The following MAPKAPK2 variants were observed in gnomAD, a reference collection of about 807,000 sequenced individuals.
The protein encoded by MAPKAPK2 is MAPK activated protein kinase 2.
Under a neutral mutation model 48.8 loss-of-function variants are expected in MAPKAPK2, and 9 were observed. The observed-to-expected ratio is 0.18, with a 90% confidence interval of 0.11 to 0.32. MAPKAPK2 has a LOEUF of 0.32. MAPKAPK2 is among the 10% of genes least tolerant of loss of function. MAPKAPK2 has a pLI of 1.00. For synonymous variants in MAPKAPK2, 202 were observed against 190.6 expected (o/e 1.06, Z -0.49); for missense variants, 331 against 498.3 (o/e 0.66, Z 3.20).
At chr1:206,729,309 A>G in intron 3 of MAPKAPK2, 87 bp from the exon 4 acceptor site, 1 of 1,206,396 alleles carries the variant, frequency 8.3e-7, no homozygotes, top group South Asian at 1.2e-5. Context: ...GGCTGCACAG[A>G]GGTGGGACCC....
At position 206,723,943 on chromosome 1, in the gene MAPKAPK2, G is replaced by A. The variant is rs532225632; in HGVS notation, c.280-4767G>A. On this transcript the variant is annotated intron_variant, in intron 1 of 9. Coordinates refer to ENST00000367103, the MANE Select transcript of MAPKAPK2 (RefSeq NM_032960.4). ...CCTGTGGCGTTGCAGCTGAGCACAC[G>A]CAATCATTAACCTTTTCTACGTGTA... 1.3e-3 allele frequency among the ~76,000 whole-genome samples: 204 copies of A among 152,366 alleles called. 1 individual carries two copies. Among genetic ancestry groups the A allele is most frequent in the African/African-American group, 4.6e-3 (191 of 41,584 alleles).
At chr1:206,730,228 G>T (rs1321777456) in intron 5 of MAPKAPK2, 130 bp downstream of exon 5, 2 of 1,089,418 alleles carry the variant, frequency 1.8e-6, no homozygotes, top group South Asian at 1.5e-5. Context: ...TGCTGGTTCT[G>T]CTGGGACCTG....
intron 1 of MAPKAPK2, among the ~76,000 whole-genome samples, chr1:206,711,607 C>CTTTTTTTTTTT (rs781793889): frequency 1.2e-3 from 136 of 115,484 alleles, no homozygotes; most frequent in Non-Finnish European, 1.6e-3. Context: ...CTACCTCATT[C>CTTTTTTTTTTT]TTTTTTTTTT....
At position 206,729,119 on chromosome 1, in the gene MAPKAPK2, G is replaced by A. The variant is rs782266018; in HGVS notation, c.484+20G>A. ...AAAGAGGTAGAAAGGGTCTGTTGTGGGAGCACGTGCAGGCAGGCAGGGCAG... is the reference window on the plus strand; with the variant it reads ...AAAGAGGTAGAAAGGGTCTGTTGTGAGAGCACGTGCAGGCAGGCAGGGCAG... On this transcript the variant is annotated intron_variant, in intron 3 of 9. Transcript: ENST00000367103. The A allele has an allele frequency of 9.3e-6, 15 of 1,613,510 alleles. 1 individual carries two copies. In the Admixed American group the frequency reaches 2.2e-4, roughly 23 times the overall value.
Position 206,685,292 on chromosome 1 carries a change from GCA to G in MAPKAPK2, c.64_65del (p.Gln22AlafsTer40). 1 of 214,346 alleles carries G rather than the reference GCA, an allele frequency of 4.7e-6. No homozygotes were observed. The highest frequency in any genetic ancestry group is 9.2e-6 in the Non-Finnish European group (1 of 108,926). The allele number at this position is 214,346 out of a possible 1,614,324, so 13.3% of individuals were successfully genotyped here. Reference sequence around the variant, plus strand: ...CGTTCCCCGCCCCGGCCCCGCCGCCGCAGCCCCCCACCCCTGCCCTGCCGCAC... The same window carrying G: ...CGTTCCCCGCCCCGGCCCCGCCGCCGGCCCCCCACCCCTGCCCTGCCGCAC... ...VPFPAPAPPPQPPTPALPHPP... is the reference protein window; with the variant it reads ...VPFPAPAPPPXPPTPALPHPP... On this transcript the variant is annotated frameshift_variant, in exon 1 of 10. Coordinates refer to ENST00000367103, the MANE Select transcript of MAPKAPK2 (RefSeq NM_032960.4). LOFTEE classifies it high-confidence loss of function.
In MAPKAPK2 at chr1:206,734,066, C is replaced by G. The variant is rs1379496857; in HGVS notation, c.*1348C>G. The G allele has an allele frequency of 2.0e-5, 3 of 152,696 alleles. No homozygotes were observed. Among genetic ancestry groups the G allele is most frequent in the Non-Finnish European group, 2.9e-5 (2 of 68,082 alleles). 9.5% of individuals were successfully genotyped at this position (152,696 alleles called of 1,614,324 possible). A position where few individuals can be genotyped will look rare whatever the true frequency, so the allele number is the denominator to read the frequency against. Reference sequence around the variant, plus strand: ...GTCTGTGCCATGGCCCCCCACTCCCCCTTCCCTTGGAGGGAGAGGTGGCAG... The same window carrying G: ...GTCTGTGCCATGGCCCCCCACTCCCGCTTCCCTTGGAGGGAGAGGTGGCAG... On this transcript the variant is annotated 3_prime_UTR_variant, in exon 10 of 10. Transcript: ENST00000367103.
Position 206,732,287 on chromosome 1 carries a change from G to C in MAPKAPK2, c.1060-288G>C. On this transcript the variant is annotated intron_variant, in intron 9 of 9. Coordinates refer to ENST00000367103, the MANE Select transcript of MAPKAPK2 (RefSeq NM_032960.4). This position sits in a 1 kb window ranked among gnomAD's most constrained non-coding sequence, Gnocchi z 4.4. ...GACTGGTTGGGGCAGACCGGACCCA[G>C]GTTTCCTGACTCCTGGCCCAAGTCT... 6.9e-7 allele frequency: 1 copy of C among 1,449,216 alleles called. No homozygotes were observed. Among genetic ancestry groups the C allele is most frequent in the Non-Finnish European group, 9.1e-7 (1 of 1,104,152 alleles). 89.8% of individuals were successfully genotyped at this position (1,449,216 alleles called of 1,614,324 possible). A position where few individuals can be genotyped will look rare whatever the true frequency, so the allele number is the denominator to read the frequency against.
intron 1 of MAPKAPK2, among the ~76,000 whole-genome samples, chr1:206,722,417 CT>C (rs1423200240): frequency 5.3e-5 from 8 of 152,248 alleles, no homozygotes; most frequent in African/African-American, 1.9e-4. Flanking sequence ...TTTGATTCCC[CT>C]AGAACTACTA....
Position 206,704,861 on chromosome 1 carries a change from G to A in MAPKAPK2, c.279+19353G>A, listed in dbSNP as rs1281088514. Among the ~76,000 whole-genome samples the A allele has an allele frequency of 1.3e-5, 2 of 152,108 alleles. No individual in the cohort carries two copies. Among genetic ancestry groups the A allele is most frequent in the African/African-American group, 2.4e-5 (1 of 41,420 alleles). ...CAAGTGGTAGGAGAGCTATGTTCAG[G>A]GAACTGGGTGAACTTGGAAGAAGGA... is the stretch of plus-strand genomic sequence containing the variant. On this transcript the variant is annotated intron_variant, in intron 1 of 9. Transcript: ENST00000367103. The surrounding 1 kb of genome is among the most constrained non-coding windows in gnomAD (Gnocchi z 4.3).
intron 1 of MAPKAPK2, among the ~76,000 whole-genome samples, chr1:206,689,000 G>A (rs550231726): frequency 3.9e-5 from 6 of 152,240 alleles, no homozygotes; most frequent in Non-Finnish European, 5.9e-5. Flanking sequence ...TGTATTCCCC[G>A]GGAGGGTTCC....
chr1:206,685,874 C>T (rs1672272936), intron 1 of MAPKAPK2, among the ~76,000 whole-genome samples: 1 of 152,164 alleles, frequency 6.6e-6, no homozygotes, highest in Non-Finnish European at 1.5e-5. Flanking sequence ...GGTTCCCCGT[C>T]CTCTCCTCCC....
chr1:206,688,164 C>T (rs1428286091), intron 1 of MAPKAPK2, among the ~76,000 whole-genome samples: 1 of 152,210 alleles, frequency 6.6e-6, no homozygotes, highest in Admixed American at 6.5e-5. Context: ...AGTTCTGAGT[C>T]ATGCTTCCAG....
intron 1 of MAPKAPK2, among the ~76,000 whole-genome samples, chr1:206,715,604 GT>G (rs1201242739): frequency 5.5e-5 from 8 of 144,258 alleles, no homozygotes; most frequent in Admixed American, 2.1e-4. Flanking sequence ...CTAAATATTG[GT>G]TTTTTTTTTC....
At chr1:206,691,502 T>TATATATATATATATATAC (rs1553426248) in intron 1 of MAPKAPK2, among the ~76,000 whole-genome samples, 32 of 132,694 alleles carry the variant, frequency 2.4e-4, no homozygotes, top group African/African-American at 7.6e-4. Flanking sequence ...TATATATATA[T>TATATATATATATATATAC]ATACACACAT....
intron 1 of MAPKAPK2, among the ~76,000 whole-genome samples, chr1:206,705,512 A>G (rs183001460): frequency 2.8e-3 from 421 of 152,220 alleles, no homozygotes; most frequent in African/African-American, 9.7e-3. Flanking sequence ...CTAATCCTGG[A>G]AGCAGAGGGG....
chr1:206,708,981 C>T (rs1363999226), intron 1 of MAPKAPK2, among the ~76,000 whole-genome samples: 1 of 152,180 alleles, frequency 6.6e-6, no homozygotes, highest in Non-Finnish European at 1.5e-5. Context: ...TTTGCTTCTC[C>T]ATTCCCCTGT....
chr1:206,696,828 T>C (rs1572482841), intron 1 of MAPKAPK2, among the ~76,000 whole-genome samples: 2 of 152,180 alleles, frequency 1.3e-5, no homozygotes, highest in African/African-American at 4.8e-5. Context: ...GTACTAGAGG[T>C]AATCCTCAGA....
intron 1 of MAPKAPK2, among the ~76,000 whole-genome samples, chr1:206,701,133 A>G (rs1236832661): frequency 6.6e-6 from 1 of 152,144 alleles, no homozygotes; most frequent in Non-Finnish European, 1.5e-5. Context: ...GGAGTGGTGG[A>G]GGGAGTGGGG....
intron 1 of MAPKAPK2, among the ~76,000 whole-genome samples, chr1:206,691,852 A>G (rs1210186774): frequency 1.3e-5 from 2 of 152,202 alleles, no homozygotes; most frequent in African/African-American, 2.4e-5. Flanking sequence ...GCCTGGCTCC[A>G]GGGCAGCCTG....
Sources: allele counts gnomAD v4.1 joint callset (sites outside exome capture counted in the v4.1 genomes callset), GRCh38; gene constraint gnomAD v4.1.1; non-coding constraint Gnocchi (gnomAD v3.1); transcripts MANE v1.5; gene names NCBI Gene and HGNC (gene_info 2026-07-23, HGNC 2026-07-21).